Variants in TANGO6 observed in about 807,000 individuals in gnomAD.
TANGO6 encodes transport and Golgi organization protein 6 homolog.
Under a neutral mutation model 114.2 loss-of-function variants are expected in TANGO6, and 90 were observed. That is an observed-to-expected ratio of 0.79 (90% CI 0.66 to 0.94). The LOEUF (loss-of-function observed/expected upper bound fraction) is 0.94, where lower values mean the gene tolerates loss of function less well. Among genes scored for constraint, TANGO6 ranks in the 40% least tolerant of loss-of-function variants. TANGO6 has a pLI of 0.00. For synonymous variants in TANGO6, 477 were observed against 509.8 expected (o/e 0.94, Z 0.87); for missense variants, 1,274 against 1,315.3 (o/e 0.97, Z 0.49).
chr16:68,852,996 A>T (rs1310773979), intron 1 of TANGO6, among the ~76,000 whole-genome samples: 1 of 152,122 alleles, frequency 6.6e-6, no homozygotes, highest in African/African-American at 2.4e-5. Flanking sequence ...GATGCGTTCA[A>T]AGTAAGTTGC....
At chr16:69,080,755 G>C (rs541649707) in intron 17 of TANGO6, among the ~76,000 whole-genome samples, 1 of 152,156 alleles carries the variant, frequency 6.6e-6, no homozygotes, top group Non-Finnish European at 1.5e-5. Context: ...CACAGGCTCT[G>C]GATGTTGGAA....
chr16:69,022,046 C>T (rs546249024), intron 15 of TANGO6, among the ~76,000 whole-genome samples: 10 of 151,824 alleles, frequency 6.6e-5, no homozygotes, highest in South Asian at 2.1e-4. Flanking sequence ...CCACCACGCC[C>T]GGCTAATTTT....
intron 17 of TANGO6, among the ~76,000 whole-genome samples, chr16:69,073,502 A>C (rs925018651): frequency 1.3e-5 from 2 of 152,192 alleles, no homozygotes; most frequent in African/African-American, 4.8e-5. Flanking sequence ...TATCGCCAGC[A>C]CAGTGCCTGG....
At chr16:68,922,851 G>A (rs1194902679) in intron 12 of TANGO6, among the ~76,000 whole-genome samples, 1 of 151,756 alleles carries the variant, frequency 6.6e-6, no homozygotes, top group African/African-American at 2.4e-5. Flanking sequence ...CTGGGGTGGG[G>A]GCCCATTATT....
intron 15 of TANGO6, among the ~76,000 whole-genome samples, chr16:68,985,792 A>G (rs1045394335): frequency 7.2e-5 from 11 of 152,278 alleles, no homozygotes; most frequent in African/African-American, 2.7e-4. Context: ...TCTTTTCAGC[A>G]GTGAATTAAA....
intron 8 of TANGO6, among the ~76,000 whole-genome samples, chr16:68,902,120 A>G (rs1470714712): frequency 6.6e-6 from 1 of 151,824 alleles, no homozygotes; most frequent in East Asian, 1.9e-4. Flanking sequence ...GCCAAGGATT[A>G]GTCAGTCACT....
At chr16:68,844,492 T>C (rs536247322) in intron 1 of TANGO6, among the ~76,000 whole-genome samples, 1 of 152,262 alleles carries the variant, frequency 6.6e-6, no homozygotes, top group East Asian at 1.9e-4. Flanking sequence ...GCTCTGCTTA[T>C]CACTGGGGTG....
At chr16:69,058,291 T>A (rs948194037) in intron 17 of TANGO6, among the ~76,000 whole-genome samples, 10 of 152,184 alleles carry the variant, frequency 6.6e-5, no homozygotes, top group Admixed American at 5.9e-4. Flanking sequence ...CCAAATAAAT[T>A]CCATGTCCTC....
chr16:69,078,749 T>G (rs769634449), intron 17 of TANGO6, among the ~76,000 whole-genome samples: 11 of 152,090 alleles, frequency 7.2e-5, no homozygotes, highest in Non-Finnish European at 1.6e-4. Context: ...TTATTTTTAT[T>G]TTTATTTTTT....
chr16:68,843,752 C>G (rs778331932), intron 1 of TANGO6, 41 bp downstream of exon 1: 1 of 1,600,126 alleles, frequency 6.2e-7, no homozygotes, highest in Non-Finnish European at 8.6e-7. Context: ...ACCCGGGACT[C>G]TCAGGGCCGC....
intron 15 of TANGO6, among the ~76,000 whole-genome samples, chr16:68,986,583 A>G (rs1802494028): frequency 6.6e-6 from 1 of 152,100 alleles, no homozygotes; most frequent in South Asian, 2.1e-4. Flanking sequence ...ATGCAGCTCC[A>G]GAATGAAGCC....
intron 15 of TANGO6, among the ~76,000 whole-genome samples, chr16:69,022,028 G>A (rs371457542): frequency 2.6e-5 from 4 of 151,744 alleles, no homozygotes; most frequent in Admixed American, 1.3e-4. Context: ...TGGGACTACA[G>A]GCGCCCGCCA....
At chr16:69,064,098 A>G (rs1960178808) in intron 17 of TANGO6, among the ~76,000 whole-genome samples, 1 of 151,888 alleles carries the variant, frequency 6.6e-6, no homozygotes, top group African/African-American at 2.4e-5. Context: ...CGGCCTCCCA[A>G]AGTGCTGGAT....
At chr16:69,001,328 A>T (rs2152221161) in intron 15 of TANGO6, among the ~76,000 whole-genome samples, 1 of 152,336 alleles carries the variant, frequency 6.6e-6, no homozygotes, top group Admixed American at 6.5e-5. Flanking sequence ...TTAGCAAACC[A>T]AATTTTGAAG....
At chr16:68,949,501 A>G (rs1307186488) in intron 14 of TANGO6, among the ~76,000 whole-genome samples, 1 of 151,996 alleles carries the variant, frequency 6.6e-6, no homozygotes, top group Non-Finnish European at 1.5e-5. Flanking sequence ...AGTGCCTGTA[A>G]TCCCAGCTAC....
chr16:68,846,501 TC>T, intron 1 of TANGO6: 1 of 355,032 alleles, frequency 2.8e-6, no homozygotes, highest in South Asian at 2.1e-5. Flanking sequence ...TACGATTCTT[TC>T]TTTTTTTTTT....
chr16:69,051,227 GT>G (rs906703571), intron 17 of TANGO6, among the ~76,000 whole-genome samples: 7 of 152,018 alleles, frequency 4.6e-5, no homozygotes, highest in African/African-American at 9.7e-5. Flanking sequence ...CACTTGTTTT[GT>G]TGTTTTGTTT....
intron 14 of TANGO6, among the ~76,000 whole-genome samples, chr16:68,969,690 A>C (rs77439731): frequency 8.7e-6 from 1 of 114,924 alleles, no homozygotes; most frequent in African/African-American, 3.7e-5. Context: ...TAGGAAAAGC[A>C]AAAAAAAAAA....
chr16:68,854,947 A>G (rs991750100), intron 1 of TANGO6, among the ~76,000 whole-genome samples: 1 of 151,664 alleles, frequency 6.6e-6, no homozygotes, highest in African/African-American at 2.4e-5. Flanking sequence ...AGGTCTGTTG[A>G]GATTCTTATT....
Sources: gnomAD v4.1 joint callset for allele counts (sites outside exome capture counted in the v4.1 genomes callset) on GRCh38, gnomAD v4.1.1 for gene constraint, MANE v1.5 for transcripts, NCBI Gene and HGNC (gene_info 2026-07-23, HGNC 2026-07-21) for gene names.